Variants in FRAS1 observed in about 807,000 individuals in gnomAD.
The protein encoded by FRAS1 is extracellular matrix organizing protein FRAS1.
FRAS1 carries 290 observed loss-of-function variants against 435.2 expected under a neutral mutation model. The ratio of observed to expected loss-of-function variants is 0.67; its 90% CI spans 0.61 to 0.73. The LOEUF (loss-of-function observed/expected upper bound fraction) is 0.73. Among genes scored for constraint, FRAS1 ranks in the 30% least tolerant of loss-of-function variants. The probability of loss-of-function intolerance (pLI) is 0.00; values close to 1 mark genes in which losing one functional copy is unlikely to be tolerated. For synonymous variants in FRAS1, 1,800 were observed against 1,851.0 expected (o/e 0.97, Z 0.71); for missense variants, 4,860 against 5,001.5 (o/e 0.97, Z 0.85).
intron 27 of FRAS1, among the ~76,000 whole-genome samples, chr4:78,382,785 C>T (rs908334006): frequency 6.6e-6 from 1 of 152,176 alleles, no homozygotes; most frequent in Non-Finnish European, 1.5e-5. Flanking sequence ...AGTTCCGTAA[C>T]CCCAAAAGTC....
At position 78,516,155 on chromosome 4, in the gene FRAS1, G is replaced by C. The variant is rs746159942; in HGVS notation, c.10389+142G>C. The stretch of plus-strand genomic sequence containing the variant: ...GGAGTCTTCTTTATAAGTCCCTCAA[G>C]CAAGATCTTGGCAGCACTGAAGCTA... On this transcript the variant is annotated intron_variant, in intron 66 of 73. Coordinates refer to ENST00000512123, the MANE Select transcript of FRAS1 (RefSeq NM_025074.7). 3 of 636,686 alleles carry C rather than the reference G, an allele frequency of 4.7e-6. No individual in the cohort carries two copies. The South Asian group carries it at 7.1e-5, about 15-fold the overall frequency. 39.4% of individuals were successfully genotyped at this position (636,686 alleles called of 1,614,324 possible). A position where few individuals can be genotyped will look rare whatever the true frequency, so the allele number is the denominator to read the frequency against.
At chr4:78,440,017 CTTT>C (rs1163344254) in intron 40 of FRAS1, among the ~76,000 whole-genome samples, 1 of 93,030 alleles carries the variant, frequency 1.1e-5, no homozygotes, top group Non-Finnish European at 2.1e-5. Flanking sequence ...TAAGTCATTT[CTTT>C]TTTTTTTTTT....
intron 2 of FRAS1, among the ~76,000 whole-genome samples, chr4:78,193,210 G>C (rs958449394): frequency 6.6e-6 from 1 of 152,146 alleles, no homozygotes; most frequent in Non-Finnish European, 1.5e-5. Context: ...GTCAATTTTG[G>C]AATAGGTGTG....
intron 69 of FRAS1, 97 bp from the exon 70 acceptor site, chr4:78,526,444 C>A: frequency 2.8e-6 from 2 of 705,166 alleles, no homozygotes; most frequent in Non-Finnish European, 4.8e-6. Context: ...ACACAAATAC[C>A]ACCTGAAAAC....
chr4:78,179,373 G>A (rs572215725), intron 2 of FRAS1, among the ~76,000 whole-genome samples: 24 of 152,298 alleles, frequency 1.6e-4, no homozygotes, highest in Middle Eastern at 3.4e-3. Context: ...TCACGTGCCA[G>A]CAGGTAGGCA....
chr4:78,518,641 G>A (rs983547653), intron 66 of FRAS1, among the ~76,000 whole-genome samples: 5 of 152,034 alleles, frequency 3.3e-5, no homozygotes, highest in African/African-American at 9.7e-5. Context: ...ATTAAAAGCA[G>A]GAACACAAAC....
At chr4:78,339,771 A>G (rs1323788796) in intron 20 of FRAS1, among the ~76,000 whole-genome samples, 3 of 152,250 alleles carry the variant, frequency 2.0e-5, no homozygotes, top group East Asian at 1.9e-4. Context: ...TTTCAGGCCA[A>G]AAAGTTTTGA....
In FRAS1 at chr4:78,477,796, G is replaced by A. The variant is rs373444410; in HGVS notation, c.7852-19G>A. 29 of 1,604,688 alleles carry A rather than the reference G, an allele frequency of 1.8e-5. No homozygotes were observed. In the African/African-American group the frequency reaches 3.3e-4, roughly 18 times the overall value. ...AAGCTGAGGCACAGCTTAACTTCTTGTTGGTTCCTTTGTGACAGGTCCAGT... is the reference window on the plus strand; with the variant it reads ...AAGCTGAGGCACAGCTTAACTTCTTATTGGTTCCTTTGTGACAGGTCCAGT... On this transcript the variant is annotated intron_variant, in intron 54 of 73. Transcript: ENST00000512123.
chr4:78,214,560 A>T (rs146824125), intron 2 of FRAS1, among the ~76,000 whole-genome samples: 3 of 152,324 alleles, frequency 2.0e-5, no homozygotes, highest in Admixed American at 6.5e-5. Context: ...AACATCCTAC[A>T]TACATCTTGA....
In FRAS1 at chr4:78,387,429, A is replaced by G; in HGVS notation, c.3703A>G (p.Thr1235Ala). ...CCACATTAGCAGAGGAGAGAGGGCA[A>G]CCATCACCACCCAGATGCTTGACAT... is the stretch of plus-strand genomic sequence containing the variant. ...VLHISRGERATITTQMLDIRD... is the reference protein window; with the variant it reads ...VLHISRGERAAITTQMLDIRD... The change falls in exon 29 of 74, where the codon ACC (threonine) becomes GCC (alanine). Residue 1235 changes from threonine to alanine, a missense_variant. By Grantham distance (58) the Thr-to-Ala change is moderately conservative (BLOSUM62 0). Transcript: ENST00000512123. The G allele has an allele frequency of 6.2e-7, 1 of 1,613,722 alleles. No homozygotes were observed. Among genetic ancestry groups the G allele is most frequent in the Admixed American group, 1.7e-5 (1 of 60,000 alleles).
intron 31 of FRAS1, among the ~76,000 whole-genome samples, chr4:78,412,541 T>A (rs1382899612): frequency 6.6e-6 from 1 of 152,228 alleles, no homozygotes; most frequent in African/African-American, 2.4e-5. Context: ...TATTACATAC[T>A]CATAATAAGA....
Position 78,508,817 on chromosome 4 carries a change from C to A in FRAS1, c.9591C>A (p.Val3197=), listed in dbSNP as rs1192746533. The stretch of plus-strand genomic sequence containing the variant: ...CCCCCTCCCCAGGCTACCCACTGGT[C>A]TGTGTCACCCCCTGCGACCCTCATT... The part of the protein sequence containing the change: ...KKSPSPGYPL[V]CVTPCDPHFP... Residue 3197 remains valine (V), a synonymous_variant, in exon 63 of 74, where the codon GTC becomes GTA. Coordinates refer to ENST00000512123, the MANE Select transcript of FRAS1 (RefSeq NM_025074.7). 6.2e-7 allele frequency: 1 copy of A among 1,613,786 alleles called. No homozygotes were observed.
rs1290995739 is a variant in FRAS1, at chr4:78,284,501, T to C, written c.1352T>C (p.Val451Ala). ...PTKLLQNGWC[V>A]HSCGLGFYQA... is the part of the protein sequence containing the mutation. ...AAGTTACTGCAGAATGGATGGTGTG[T>C]GCACAGCTGTGGACTGGGTTTTTAC... Residue 451 changes from valine to alanine, a missense_variant, in exon 13 of 74, where the codon GTG becomes GCG. Val to Ala is a moderately conservative substitution (Grantham distance 64). Coordinates refer to ENST00000512123, the MANE Select transcript of FRAS1 (RefSeq NM_025074.7). 2.5e-6 allele frequency: 4 copies of C among 1,613,702 alleles called. No homozygotes were observed. Among genetic ancestry groups the C allele is most frequent in the Non-Finnish European group, 3.4e-6 (4 of 1,179,748 alleles).
chr4:78,522,518 T>C (rs1721417211), intron 68 of FRAS1, 131 bp from the exon 69 acceptor site: 1 of 769,474 alleles, frequency 1.3e-6, no homozygotes, highest in South Asian at 1.8e-5. Flanking sequence ...AGGGGCAAAA[T>C]GGGCTAAGCT....
intron 70 of FRAS1, among the ~76,000 whole-genome samples, chr4:78,533,265 C>T (rs961405889): frequency 1.8e-4 from 27 of 152,252 alleles, no homozygotes; most frequent in African/African-American, 5.8e-4. Flanking sequence ...TTTTCTGTTT[C>T]GTCCACAGAT....
chr4:78,391,647 G>A (rs1226124855), intron 29 of FRAS1, among the ~76,000 whole-genome samples: 1 of 151,826 alleles, frequency 6.6e-6, no homozygotes, highest in African/African-American at 2.4e-5. Context: ...GAACTTCTTT[G>A]TTACTCTTTG....
chr4:78,095,795 A>C (rs1404660935), intron 2 of FRAS1, among the ~76,000 whole-genome samples: 1 of 152,228 alleles, frequency 6.6e-6, no homozygotes, highest in Non-Finnish European at 1.5e-5. Flanking sequence ...CTGAGTCCCT[A>C]CCACAACACA....
At chr4:78,369,200 G>T (rs1018489993) in intron 22 of FRAS1, among the ~76,000 whole-genome samples, 8 of 152,236 alleles carry the variant, frequency 5.3e-5, no homozygotes, top group African/African-American at 1.7e-4. Flanking sequence ...GTCAGGGAAA[G>T]AGAGGTGTCA....
chr4:78,359,921 A>C (rs773640793), intron 20 of FRAS1, among the ~76,000 whole-genome samples: 13 of 152,098 alleles, frequency 8.5e-5, no homozygotes, highest in Non-Finnish European at 1.8e-4. Context: ...CTTAACATGG[A>C]GCTGTGGAAG....
Sources: gnomAD v4.1 joint callset for allele counts (sites outside exome capture counted in the v4.1 genomes callset) on GRCh38, gnomAD v4.1.1 for gene constraint, MANE v1.5 for transcripts, NCBI Gene and HGNC (gene_info 2026-07-23, HGNC 2026-07-21) for gene names.